ADCYAP1R1: variants seen among roughly 807,000 people sequenced by gnomAD.
The protein encoded by ADCYAP1R1 is pituitary adenylate cyclase-activating polypeptide type I receptor.
ADCYAP1R1 carries 44 observed loss-of-function variants against 67.6 expected under a neutral mutation model. That is an observed-to-expected ratio of 0.65 (90% CI 0.51 to 0.84). The LOEUF (loss-of-function observed/expected upper bound fraction) is 0.84, where lower values mean the gene tolerates loss of function less well. ADCYAP1R1 is among the 40% of genes least tolerant of loss of function. The pLI, the probability that ADCYAP1R1 is intolerant of heterozygous loss-of-function variation, is 0.00. For synonymous variants in ADCYAP1R1, 222 were observed against 219.6 expected, an observed-to-expected ratio of 1.01 and a Z score of -0.10; for missense variants, 477 against 587.9, an observed-to-expected ratio of 0.81 and a Z score of 1.95.
intron 1 of ADCYAP1R1, among the ~76,000 whole-genome samples, chr7:31,054,044 C>G (rs1794138962): frequency 6.6e-6 from 1 of 152,178 alleles, no homozygotes; most frequent in Non-Finnish European, 1.5e-5. Context: ...GTCCCCAGTC[C>G]TAAGCTAAGT....
intron 13 of ADCYAP1R1, among the ~76,000 whole-genome samples, chr7:31,098,699 G>A (rs1164379956): frequency 6.5e-5 from 5 of 76,582 alleles, no homozygotes; most frequent in East Asian, 8.3e-4. Flanking sequence ...CAGATGCAGC[G>A]GGGCGGGGGG....
intron 3 of ADCYAP1R1, among the ~76,000 whole-genome samples, chr7:31,074,568 G>C (rs1019946406): frequency 6.6e-6 from 1 of 152,230 alleles, no homozygotes; most frequent in South Asian, 2.1e-4. Context: ...GCAGCAGCTG[G>C]CTGTGCCTGA....
rs776292630 is a variant in ADCYAP1R1, at chr7:31,106,603, G to C, written c.1326G>C (p.Gly442=). Reference sequence around the variant, plus strand: ...CTCTGGCCAGCAGTGGGGTGAATGGGGGCACCCAGCTCTCCATCCTGAGCA... The same window carrying C: ...CTCTGGCCAGCAGTGGGGTGAATGGCGGCACCCAGCTCTCCATCCTGAGCA... ...HPSLASSGVN[G]GTQLSILSKS... Residue 442 remains glycine, a synonymous_variant, in exon 16 of 16, where the codon GGG becomes GGC. Transcript: ENST00000304166. The C allele has an allele frequency of 4.0e-5, 64 of 1,613,860 alleles. No individual in the cohort carries two copies. The Admixed American group carries it at 4.8e-4, about 12-fold the overall frequency.
chr7:31,075,032 G>A (rs1408940604), intron 3 of ADCYAP1R1, among the ~76,000 whole-genome samples: 6 of 152,286 alleles, frequency 3.9e-5, no homozygotes, highest in Admixed American at 2.0e-4. Context: ...GCACTCAAGC[G>A]TCACAGACCC....
At chr7:31,087,055 A>G (rs1208333629) in intron 11 of ADCYAP1R1, 52 bp downstream of exon 11, 1 of 1,599,082 alleles carries the variant, frequency 6.3e-7, no homozygotes, top group African/African-American at 1.3e-5. Flanking sequence ...ATTCTTACAG[A>G]TGGGTTCTCA....
intron 6 of ADCYAP1R1, among the ~76,000 whole-genome samples, chr7:31,082,526 C>T (rs1795556221): frequency 6.6e-6 from 1 of 152,226 alleles, no homozygotes; most frequent in Non-Finnish European, 1.5e-5. Context: ...AAGCAGCTTC[C>T]CTTTCCTCTT....
intron 12 of ADCYAP1R1, among the ~76,000 whole-genome samples, chr7:31,092,243 C>T (rs956024863): frequency 6.6e-6 from 1 of 151,272 alleles, no homozygotes; most frequent in African/African-American, 2.4e-5. Flanking sequence ...TTATGGCTGT[C>T]CATTCTGGTT....
chr7:31,090,730 T>G (rs1795932619), intron 12 of ADCYAP1R1, among the ~76,000 whole-genome samples: 1 of 152,244 alleles, frequency 6.6e-6, no homozygotes, highest in Non-Finnish European at 1.5e-5. Context: ...TGTGTCCATG[T>G]TGCCGTAAAG....
chr7:31,061,781 A>G (rs7801540), intron 1 of ADCYAP1R1, among the ~76,000 whole-genome samples: 69,909 of 151,922 alleles, frequency 0.46, 16,492 homozygotes, highest in African/African-American at 0.52. Context: ...GACGTGGTTA[A>G]GCAGAGAGTG....
intron 3 of ADCYAP1R1, among the ~76,000 whole-genome samples, chr7:31,075,310 T>C (rs1029440163): frequency 6.6e-6 from 1 of 152,146 alleles, no homozygotes; most frequent in African/African-American, 2.4e-5. Flanking sequence ...TATGAACTCA[T>C]TAATCCTCAC....
At chr7:31,057,712 G>C (rs1031273997) in intron 1 of ADCYAP1R1, among the ~76,000 whole-genome samples, 1 of 152,234 alleles carries the variant, frequency 6.6e-6, no homozygotes, top group Non-Finnish European at 1.5e-5. Flanking sequence ...CCTTTGAGGG[G>C]TGAGTGGGAG....
intron 3 of ADCYAP1R1, among the ~76,000 whole-genome samples, chr7:31,069,843 G>C (rs741056): frequency 0.023 from 3,550 of 152,314 alleles, 151 homozygotes; most frequent in African/African-American, 0.081. Context: ...AGCAAGCTTG[G>C]AGCCTGCCTT....
At chr7:31,073,466 G>C (rs2128622389) in intron 3 of ADCYAP1R1, among the ~76,000 whole-genome samples, 1 of 152,212 alleles carries the variant, frequency 6.6e-6, no homozygotes, top group South Asian at 2.1e-4. Context: ...GGAACATATG[G>C]GTCTGTAGAA....
intron 12 of ADCYAP1R1, among the ~76,000 whole-genome samples, chr7:31,089,768 G>A (rs1795890277): frequency 6.6e-6 from 1 of 152,162 alleles, no homozygotes; most frequent in Non-Finnish European, 1.5e-5. Context: ...GTCTTATGGA[G>A]GATAATGGAA....
chr7:31,105,858 A>G (rs936239240), intron 15 of ADCYAP1R1, among the ~76,000 whole-genome samples: 1 of 152,210 alleles, frequency 6.6e-6, no homozygotes, highest in Non-Finnish European at 1.5e-5. Flanking sequence ...CCAGTTGTGC[A>G]GTCTGTGCAC....
intron 13 of ADCYAP1R1, among the ~76,000 whole-genome samples, chr7:31,100,599 G>A (rs962980211): frequency 2.6e-5 from 4 of 152,204 alleles, no homozygotes; most frequent in Admixed American, 2.6e-4. Context: ...ACACAGGGCA[G>A]GGAACTTCAC....
At position 31,086,474 on chromosome 7, in the gene ADCYAP1R1, C is replaced by T. The variant is rs759125342; in HGVS notation, c.760C>T (p.Leu254=). The stretch of plus-strand genomic sequence containing the variant: ...CATCGAGGGCCTGTACCTCTTCACT[C>T]TGCTGGTGGAGACCTTCTTCCCTGA... The part of the protein sequence containing the change: ...LFIEGLYLFT[L]LVETFFPERR... Residue 254 remains leucine, a synonymous_variant, in exon 10 of 16, where the codon CTG becomes TTG. Transcript: ENST00000304166. This position sits in a 1 kb window ranked among gnomAD's most constrained non-coding sequence, Gnocchi z 5.0. The T allele has an allele frequency of 1.3e-5, 21 of 1,614,210 alleles. No individual in the cohort carries two copies. The South Asian group carries it at 2.3e-4, about 18-fold the overall frequency.
intron 13 of ADCYAP1R1, among the ~76,000 whole-genome samples, chr7:31,094,866 T>A (rs1584532962): frequency 6.6e-6 from 1 of 150,790 alleles, no homozygotes; most frequent in Non-Finnish European, 1.5e-5. Flanking sequence ...CTTCTGGCAT[T>A]AAAAAAAAAT....
intron 12 of ADCYAP1R1, among the ~76,000 whole-genome samples, chr7:31,088,035 A>T (rs913900895): frequency 6.6e-6 from 1 of 152,106 alleles, no homozygotes; most frequent in Non-Finnish European, 1.5e-5. Context: ...CTTTGCAAAA[A>T]CCCTTTAACA....
Sources: allele counts gnomAD v4.1 joint callset (sites outside exome capture counted in the v4.1 genomes callset), GRCh38; gene constraint gnomAD v4.1.1; non-coding constraint Gnocchi (gnomAD v3.1); transcripts MANE v1.5; gene names NCBI Gene and HGNC (gene_info 2026-07-23, HGNC 2026-07-21).